ING1: variants seen among roughly 807,000 people sequenced by gnomAD.
ING1 encodes the protein inhibitor of growth family member 1.
ING1 carries 4 observed loss-of-function variants against 23.1 expected under a neutral mutation model. The observed-to-expected ratio is 0.17, with a 90% CI of 0.09 to 0.40. The LOEUF (loss-of-function observed/expected upper bound fraction) is 0.40. ING1 is among the 10% of genes least tolerant of loss of function. The probability of loss-of-function intolerance (pLI) is 1.00; values close to 1 mark genes in which losing one functional copy is unlikely to be tolerated. For missense variants in ING1, 256 were observed against 393.8 expected, an observed-to-expected ratio of 0.65 and a Z score of 2.96; for synonymous variants, 179 against 166.4, an observed-to-expected ratio of 1.08 and a Z score of -0.58.
intron 1 of ING1, chr13:110,715,887 G>C: frequency 1.3e-6 from 2 of 1,588,984 alleles, no homozygotes; most frequent in Non-Finnish European, 1.7e-6. Context: ...TCCCGGGCCT[G>C]TGGGCTCGGG....
At position 110,721,295 on chromosome 13, in the gene ING1, A is replaced by AT. The variant is rs2064170229; in HGVS notation, c.*1365dup. On this transcript the variant is annotated 3_prime_UTR_variant, in exon 2 of 2. Transcript: ENST00000333219. ...ATTTATTATTTTTTATTTTTTTGAG[A>AT]TTGAGTTCCAGGCTGGAGTGCAATA... 1 of 152,030 alleles carries AT rather than the reference A, an allele frequency of 6.6e-6. No individual in the cohort carries two copies. Among genetic ancestry groups the AT allele is most frequent in the South Asian group, 2.1e-4 (1 of 4,828 alleles). The allele number at this position is 152,030 out of a possible 1,614,324, so 9.4% of individuals were successfully genotyped here.
rs1283436302 is a variant in ING1 at position 110,714,123 on chromosome 13, A to G, written c.-27A>G. The G allele has an allele frequency of 2.7e-6, 4 of 1,505,828 alleles. No homozygotes were observed. The highest frequency in any genetic ancestry group is 3.6e-6 in the Non-Finnish European group (4 of 1,124,648). The allele number at this position is 1,505,828 out of a possible 1,614,324, so 93.3% of individuals were successfully genotyped here. ...GTGGAGGAAGCGGAAAGCCGCGCCGAGTCGCCGGGGACCTCCGGGGTGAAC... is the reference window on the plus strand; with the variant it reads ...GTGGAGGAAGCGGAAAGCCGCGCCGGGTCGCCGGGGACCTCCGGGGTGAAC... On this transcript the variant is annotated 5_prime_UTR_variant, in exon 1 of 2. Coordinates refer to ENST00000333219, the MANE Select transcript of ING1 (RefSeq NM_198219.3).
In ING1 at chr13:110,719,184, C is replaced by G; in HGVS notation, c.137-45C>G. On this transcript the variant is annotated intron_variant, in intron 1 of 1. Coordinates refer to ENST00000333219, the MANE Select transcript of ING1 (RefSeq NM_198219.3). The surrounding 1 kb of genome is among the most constrained non-coding windows in gnomAD (Gnocchi z 8.9). ...ACCCGTCCGGGGCCGTGTGGGTTGT[C>G]CCGGTGTCCTGCTCGCGAGTGACGC... 1 of 1,593,664 alleles carries G rather than the reference C, an allele frequency of 6.3e-7. No individual in the cohort carries two copies. The highest frequency in any genetic ancestry group is 1.7e-4 in the Middle Eastern group (1 of 5,990).
Position 110,714,061 on chromosome 13 carries a change from T to C in ING1, c.-89T>C. ...GGGGGCGCCGGGAGAGCGAGGGCTTTGCATTTTGCAGTGCTATTTTTTGAG... is the reference window on the plus strand; with the variant it reads ...GGGGGCGCCGGGAGAGCGAGGGCTTCGCATTTTGCAGTGCTATTTTTTGAG... On this transcript the variant is annotated 5_prime_UTR_variant, in exon 1 of 2. Coordinates refer to ENST00000333219, the MANE Select transcript of ING1 (RefSeq NM_198219.3). 7.4e-7 allele frequency: 1 copy of C among 1,347,400 alleles called. No homozygotes were observed. The highest frequency in any genetic ancestry group is 9.6e-7 in the Non-Finnish European group (1 of 1,043,392). 83.5% of individuals were successfully genotyped at this position (1,347,400 alleles called of 1,614,324 possible).
rs998032487 is a variant in ING1, at chr13:110,723,270, T to A, written c.*3338T>A. 3.3e-5 allele frequency: 5 copies of A among 152,010 alleles called. No homozygotes were observed. The highest frequency in any genetic ancestry group is 2.0e-4 in the Admixed American group (3 of 15,274). 9.4% of individuals were successfully genotyped at this position (152,010 alleles called of 1,614,324 possible). ...TTCTCTTTTGGTGTGATTAGAGCTA[T>A]GTGAGTTGTCTCAATACTTGAGACT... On this transcript the variant is annotated 3_prime_UTR_variant, in exon 2 of 2. Coordinates refer to ENST00000333219, the MANE Select transcript of ING1 (RefSeq NM_198219.3).
rs2064182211 is a variant in ING1 at position 110,723,264 on chromosome 13, G to C, written c.*3332G>C. ...TGGTGGTTCTCTTTTGGTGTGATTA[G>C]AGCTATGTGAGTTGTCTCAATACTT... On this transcript the variant is annotated 3_prime_UTR_variant, in exon 2 of 2. Transcript: ENST00000333219. 6.6e-6 allele frequency: 1 copy of C among 152,076 alleles called. No individual in the cohort carries two copies. 9.4% of individuals were successfully genotyped at this position (152,076 alleles called of 1,614,324 possible). A position where few individuals can be genotyped will look rare whatever the true frequency, so the allele number is the denominator to read the frequency against.
At chr13:110,714,322 T>C in intron 1 of ING1, 37 bp downstream of exon 1, 1 of 1,493,776 alleles carries the variant, frequency 6.7e-7, no homozygotes, top group East Asian at 2.9e-5. Flanking sequence ...GGCGGCCGCC[T>C]CCTTCCCGGC....
upstream of ING1, chr13:110,713,393 G>T: frequency 9.7e-7 from 1 of 1,033,862 alleles, no homozygotes; most frequent in Non-Finnish European, 1.2e-6. Flanking sequence ...CCCAGCGGGC[G>T]TGCTGTGCCG....
At chr13:110,715,719 C>T in intron 1 of ING1, 1 of 1,589,074 alleles carries the variant, frequency 6.3e-7, no homozygotes, top group Non-Finnish European at 8.6e-7. Flanking sequence ...CTCCGCCCTC[C>T]AAATCGGCGA....
At position 110,715,724 on chromosome 13, in the gene ING1, C is replaced by G. The variant is rs200845497; in HGVS notation, c.136+1439C>G. ...TCCTCCTGGCCTCCGCCCTCCAAAT[C>G]GGCGATTCCCATAGGCGGCGGCTCT... On this transcript the variant is annotated intron_variant, in intron 1 of 1. Transcript: ENST00000333219. 2.6e-5 allele frequency: 41 copies of G among 1,588,072 alleles called. No individual in the cohort carries two copies. The highest frequency in any genetic ancestry group is 3.3e-5 in the Non-Finnish European group (38 of 1,169,080).
At chr13:110,714,595 G>C (rs949469075) in intron 1 of ING1, among the ~76,000 whole-genome samples, 3 of 152,276 alleles carry the variant, frequency 2.0e-5, no homozygotes, top group Admixed American at 6.5e-5. Flanking sequence ...GGTCCAAGCC[G>C]CGTCCTCTAG....
At position 110,719,101 on chromosome 13, in the gene ING1, C is replaced by G. The variant is rs1594456848; in HGVS notation, c.137-128C>G. On this transcript the variant is annotated intron_variant, in intron 1 of 1. Coordinates refer to ENST00000333219, the MANE Select transcript of ING1 (RefSeq NM_198219.3). This position sits in a 1 kb window ranked among gnomAD's most constrained non-coding sequence, Gnocchi z 8.9. ...CCCGGGAGAGCCTGTGGCTGGTGGG[C>G]TTTGTTCTGGGCAAGCCGTGCGCTG... The G allele has an allele frequency of 1.3e-6, 1 of 795,324 alleles. No homozygotes were observed. 49.3% of individuals were successfully genotyped at this position (795,324 alleles called of 1,614,324 possible).
Position 110,719,165 on chromosome 13 carries a change from C to T in ING1, c.137-64C>T, listed in dbSNP as rs1326003569. On this transcript the variant is annotated intron_variant, in intron 1 of 1. Coordinates refer to ENST00000333219, the MANE Select transcript of ING1 (RefSeq NM_198219.3). The surrounding 1 kb of genome is among the most constrained non-coding windows in gnomAD (Gnocchi z 8.9). ...CTGCCAGCCCTCTCCGTAGACCCGT[C>T]CGGGGCCGTGTGGGTTGTCCCGGTG... 10 of 1,537,480 alleles carry T rather than the reference C, an allele frequency of 6.5e-6. No individual in the cohort carries two copies. Among genetic ancestry groups the T allele is most frequent in the South Asian group, 1.2e-5 (1 of 85,680 alleles).
intron 1 of ING1, among the ~76,000 whole-genome samples, chr13:110,717,542 G>C (rs1301568621): frequency 6.6e-6 from 1 of 152,126 alleles, no homozygotes; most frequent in Non-Finnish European, 1.5e-5. Flanking sequence ...AAGTAGTATT[G>C]TTGGCCAGGC....
chr13:110,713,710 C>T lies in ING1; in HGVS notation c.-440C>T, dbSNP rs1379119968. On this transcript the variant is annotated 5_prime_UTR_variant, in exon 1 of 2. The change creates a new upstream start codon in the 5' untranslated region. Coordinates refer to ENST00000333219, the MANE Select transcript of ING1 (RefSeq NM_198219.3). ...TTGAAACTGGTATTTGGGTTTTCCA[C>T]GTTGGACAAGTGCGGCTCGGCGGCC... The T allele has an allele frequency of 3.0e-6, 3 of 985,178 alleles. No homozygotes were observed. The highest frequency in any genetic ancestry group is 1.7e-5 in the African/African-American group (1 of 57,214). 61.0% of individuals were successfully genotyped at this position (985,178 alleles called of 1,614,324 possible).
chr13:110,715,423 G>GC, intron 1 of ING1: 1 of 1,551,022 alleles, frequency 6.4e-7, no homozygotes, highest in Non-Finnish European at 8.7e-7. Flanking sequence ...TCCCGCCTCA[G>GC]CCCCCCAGTA....
upstream of ING1, chr13:110,713,600 AT>A: frequency 1.0e-6 from 1 of 985,362 alleles, no homozygotes; most frequent in Non-Finnish European, 1.2e-6. Flanking sequence ...AGGGGCGTGA[AT>A]GCGGCGGGGG....
At chr13:110,713,099 G>A, upstream of ING1, 1 of 1,439,426 alleles carries the variant, frequency 6.9e-7, no homozygotes, top group African/African-American at 1.4e-5. Context: ...CGGAGGACTT[G>A]GGTTTCTAGT....
At chr13:110,715,689 T>A (rs775167647) in intron 1 of ING1, 6 of 1,601,222 alleles carry the variant, frequency 3.7e-6, no homozygotes. Flanking sequence ...CCCTGCGGTG[T>A]GGTTGGTTCT....
Sources: gnomAD v4.1 joint callset for allele counts (sites outside exome capture counted in the v4.1 genomes callset) on GRCh38, gnomAD v4.1.1 for gene constraint, Gnocchi (gnomAD v3.1) non-coding constraint, MANE v1.5 for transcripts, NCBI Gene and HGNC (gene_info 2026-07-23, HGNC 2026-07-21) for gene names.